CDH3: variants seen among roughly 807,000 people sequenced by gnomAD.
The protein encoded by CDH3 is cadherin 3.
Under a neutral mutation model 82.0 loss-of-function variants are expected in CDH3, and 54 were observed. The ratio of observed to expected loss-of-function variants is 0.66; its 90% CI spans 0.53 to 0.83. The LOEUF is 0.83. Ranked by LOEUF, CDH3 falls within the 40% of genes least tolerant of loss-of-function variation. CDH3 has a pLI of 0.00. For missense variants in CDH3, 1,054 were observed against 1,084.6 expected (o/e 0.97, Z 0.40); for synonymous variants, 446 against 437.9 (o/e 1.02, Z -0.23).
intron 2 of CDH3, among the ~76,000 whole-genome samples, chr16:68,673,559 A>G (rs1019752387): frequency 1.3e-5 from 2 of 151,906 alleles, no homozygotes; most frequent in East Asian, 3.9e-4. Flanking sequence ...CATGGGCTCA[A>G]ATGATCCTCC....
At chr16:68,702,959 A>T (rs1961915225), downstream of CDH3, among the ~76,000 whole-genome samples, 1 of 151,840 alleles carries the variant, frequency 6.6e-6, no homozygotes, top group Non-Finnish European at 1.5e-5. Flanking sequence ...ATTCTTATGA[A>T]CCCCCAAATC....
intron 15 of CDH3, chr16:68,697,955 G>C (rs1961781049): frequency 4.8e-6 from 3 of 618,834 alleles, no homozygotes; most frequent in East Asian, 2.7e-5. Context: ...GTGAGTTCTG[G>C]CCCGGGCTGT....
Position 68,699,929 on chromosome 16 carries a change from A to G in CDH3, c.*1529A>G, listed in dbSNP as rs1294629919. On this transcript the variant is annotated 3_prime_UTR_variant, in exon 16 of 16. Coordinates refer to ENST00000264012, the MANE Select transcript of CDH3 (RefSeq NM_001793.6). ...AGTTGGTAACAGCTACCATTTATTC[A>G]GTACTTTTAAAGGCCAGACAGGACT... The G allele has an allele frequency of 6.6e-6, 1 of 152,226 alleles. No individual in the cohort carries two copies. Among genetic ancestry groups the G allele is most frequent in the Non-Finnish European group, 1.5e-5 (1 of 68,044 alleles). The allele number at this position is 152,226 out of a possible 1,614,324, so 9.4% of individuals were successfully genotyped here.
chr16:68,714,015 C>A (rs1047527522), intron 1 of CDH3, among the ~76,000 whole-genome samples: 3 of 151,982 alleles, frequency 2.0e-5, no homozygotes, highest in Non-Finnish European at 4.4e-5. Context: ...CTCACTGCAA[C>A]CTCCGCCCCC....
rs1164859708 is a variant in CDH3 at position 68,682,428 on chromosome 16, G to C, written c.1123G>C (p.Asp375His). 2 of 1,613,952 alleles carry C rather than the reference G, an allele frequency of 1.2e-6. No individual in the cohort carries two copies. The highest frequency in any genetic ancestry group is 1.3e-5 in the African/African-American group (1 of 74,908). Residue 375 changes from aspartate to histidine, a missense_variant, in exon 9 of 16, where the codon GAC becomes CAC. Physicochemically the swap from Asp to His is moderately conservative, Grantham distance 81. Transcript: ENST00000264012. ...CCTTATCATGGGCGGTGACGACGGGGACCATTTTACCATCACCACCCACCC... is the reference window on the plus strand; with the variant it reads ...CCTTATCATGGGCGGTGACGACGGGCACCATTTTACCATCACCACCCACCC... Reference protein sequence around the residue: ...TYLIMGGDDGDHFTITTHPES... With the variant: ...TYLIMGGDDGHHFTITTHPES...
Position 68,695,860 on chromosome 16 carries a change from C to T in CDH3, c.2217C>T (p.Ile739=), listed in dbSNP as rs767212705. 1 of 1,614,134 alleles carries T rather than the reference C, an allele frequency of 6.2e-7. No homozygotes were observed. Among genetic ancestry groups the T allele is most frequent in the Non-Finnish European group, 8.5e-7 (1 of 1,180,016 alleles). ...GCAATGACGTGGCACCAACCATCAT[C>T]CCGACACCCATGTACCGTCCTCGGC... The part of the protein sequence containing the change: ...VLRNDVAPTI[I]PTPMYRPRPA... Residue 739 remains isoleucine, a synonymous_variant, in exon 15 of 16, where the codon ATC becomes ATT. Coordinates refer to ENST00000264012, the MANE Select transcript of CDH3 (RefSeq NM_001793.6).
At chr16:68,665,522 T>C (rs969913985) in intron 2 of CDH3, among the ~76,000 whole-genome samples, 4 of 152,158 alleles carry the variant, frequency 2.6e-5, no homozygotes, top group African/African-American at 7.2e-5. Flanking sequence ...CAGCAATAAA[T>C]GGCTTACATT....
chr16:68,667,830 G>C (rs914290688), intron 2 of CDH3, among the ~76,000 whole-genome samples: 4 of 152,140 alleles, frequency 2.6e-5, no homozygotes, highest in Non-Finnish European at 5.9e-5. Flanking sequence ...AGAGACTCCT[G>C]GTTTCCATTG....
In CDH3 at chr16:68,687,550, A is replaced by T. The variant is rs1355330494; in HGVS notation, c.1609A>T (p.Thr537Ser). 6.2e-7 allele frequency: 1 copy of T among 1,614,002 alleles called. No individual in the cohort carries two copies. The highest frequency in any genetic ancestry group is 1.3e-5 in the African/African-American group (1 of 74,900). The change falls in exon 12 of 16, where the codon ACA (threonine) becomes TCA (serine). Residue 537 changes from threonine (T) to serine (S), a missense_variant. Transcript: ENST00000264012. ...CACTGGCACGGGAACCCTTCTGCTA[A>T]CACTGATTGATGTCAATGACCATGG... ...PTTGTGTLLLTLIDVNDHGPV... is the reference protein window; with the variant it reads ...PTTGTGTLLLSLIDVNDHGPV...
intron 12 of CDH3, among the ~76,000 whole-genome samples, chr16:68,688,113 G>A (rs764808372): frequency 6.7e-6 from 1 of 149,296 alleles, no homozygotes; most frequent in Non-Finnish European, 1.5e-5. Context: ...CCTCCCTCTC[G>A]AGGCCTCAGT....
chr16:68,663,566 A>G (rs1012081980), intron 2 of CDH3, among the ~76,000 whole-genome samples: 1 of 151,976 alleles, frequency 6.6e-6, no homozygotes, highest in Non-Finnish European at 1.5e-5. Flanking sequence ...TTTCAAATGT[A>G]CTATGCTGTT....
rs1961378259 is a variant in CDH3 at position 68,685,329 on chromosome 16, A to ATGGTCT, written c.1553_1558dup (p.Val518_Leu519dup). 6.2e-7 allele frequency: 1 copy of ATGGTCT among 1,613,978 alleles called. No individual in the cohort carries two copies. The highest frequency in any genetic ancestry group is 1.3e-5 in the African/African-American group (1 of 74,902). On this transcript the variant is annotated inframe_insertion, in exon 11 of 16. Transcript: ENST00000264012. ...TGTGAGGAACAACATCTATGAAGTC[A>ATGGTCT]TGGTCTTGGCCATGGACAATGGTGA...
At chr16:68,682,693 G>C in intron 9 of CDH3, among the ~76,000 whole-genome samples, 1 of 152,172 alleles carries the variant, frequency 6.6e-6, no homozygotes, top group Non-Finnish European at 1.5e-5. Flanking sequence ...AAATAGGTAA[G>C]AGTCACTGAT....
chr16:68,651,710 C>T, intron 2 of CDH3: 1 of 515,512 alleles, frequency 1.9e-6, no homozygotes, highest in Admixed American at 2.1e-5. Flanking sequence ...CTAGCTGGTG[C>T]CAGTTCTGCA....
rs191400701 is a variant in CDH3, at chr16:68,691,800, A to G, written c.1876A>G (p.Asn626Asp). 1 of 1,614,162 alleles carries G rather than the reference A, an allele frequency of 6.2e-7. No individual in the cohort carries two copies. The highest frequency in any genetic ancestry group is 1.7e-5 in the Admixed American group (1 of 60,018). ...GCACCTTTCTCTGTCTGACCATGGCAACAAAGAGCAGCTGACGGTGATCAG... is the reference window on the plus strand; with the variant it reads ...GCACCTTTCTCTGTCTGACCATGGCGACAAAGAGCAGCTGACGGTGATCAG... ...DVHLSLSDHG[N>D]KEQLTVIRAT... Residue 626 changes from asparagine to aspartate, a missense_variant, in exon 13 of 16, where the codon AAC becomes GAC. By Grantham distance (23) the Asn-to-Asp change is conservative. Coordinates refer to ENST00000264012, the MANE Select transcript of CDH3 (RefSeq NM_001793.6).
chr16:68,721,251 A>C (rs1188718952), intron 1 of CDH3, among the ~76,000 whole-genome samples: 1 of 45,604 alleles, frequency 2.2e-5, no homozygotes, highest in African/African-American at 8.3e-5. Flanking sequence ...TTTTTTTTTG[A>C]GATGGAGTCT....
chr16:68,733,530 G>T, the CDH3 span, among the ~76,000 whole-genome samples: 1 of 152,100 alleles, frequency 6.6e-6, no homozygotes, highest in Non-Finnish European at 1.5e-5. Flanking sequence ...ATCACTTGAG[G>T]TCAGGAGTTT....
intron 2 of CDH3, among the ~76,000 whole-genome samples, chr16:68,649,349 G>A (rs1015901963): frequency 6.6e-6 from 1 of 152,152 alleles, no homozygotes; most frequent in African/African-American, 2.4e-5. Flanking sequence ...AGATGGTTTT[G>A]TCTATTTCAG....
intron 2 of CDH3, among the ~76,000 whole-genome samples, chr16:68,664,792 G>A (rs1453399758): frequency 1.3e-5 from 2 of 151,926 alleles, no homozygotes; most frequent in African/African-American, 4.8e-5. Flanking sequence ...TCAAGTAGCT[G>A]GGACCACAGG....
Sources: gnomAD v4.1 joint callset for allele counts (sites outside exome capture counted in the v4.1 genomes callset) on GRCh38, gnomAD v4.1.1 for gene constraint, MANE v1.5 for transcripts, NCBI Gene and HGNC (gene_info 2026-07-23, HGNC 2026-07-21) for gene names.